CCDC178: variants seen among roughly 807,000 people sequenced by gnomAD.
The protein encoded by CCDC178 is coiled-coil domain containing 178, also known as coiled-coil domain-containing protein 178.
Under a neutral mutation model 117.4 loss-of-function variants are expected in CCDC178, and 126 were observed. The ratio of observed to expected loss-of-function variants is 1.07; its 90% CI spans 0.93 to 1.24. The LOEUF is 1.24. CCDC178 is among the 50% of genes most tolerant of loss of function. CCDC178 has a pLI of 0.00. For synonymous variants in CCDC178, 283 were observed against 313.4 expected (o/e 0.90, Z 1.02); for missense variants, 1,030 against 986.9 (o/e 1.04, Z -0.59).
intron 21 of CCDC178, among the ~76,000 whole-genome samples, chr18:32,985,103 G>A (rs75620498): frequency 4.5e-4 from 68 of 151,786 alleles, no homozygotes; most frequent in Non-Finnish European, 5.9e-4. Flanking sequence ...AACATTATTC[G>A]AAAAAGATTA....
chr18:33,153,080 A>G (rs979358553), intron 20 of CCDC178, among the ~76,000 whole-genome samples: 3 of 149,618 alleles, frequency 2.0e-5, no homozygotes, highest in Non-Finnish European at 4.4e-5. Context: ...AAGCAGAATT[A>G]CATAAGAAAT....
chr18:33,285,269 A>G (rs2060085034), intron 12 of CCDC178, among the ~76,000 whole-genome samples: 1 of 152,182 alleles, frequency 6.6e-6, no homozygotes. Flanking sequence ...AAAAAATTAA[A>G]CATTAACCTC....
chr18:33,244,625 T>C (rs944536449), intron 15 of CCDC178, among the ~76,000 whole-genome samples: 6 of 152,030 alleles, frequency 3.9e-5, no homozygotes, highest in African/African-American at 1.4e-4. Context: ...TCCCCAGCCA[T>C]GCAGAACTGA....
chr18:33,242,677 C>T (rs1226732183), intron 15 of CCDC178, among the ~76,000 whole-genome samples: 2 of 151,396 alleles, frequency 1.3e-5, no homozygotes. Flanking sequence ...TTACTAATTA[C>T]CAGATAAATG....
intron 12 of CCDC178, among the ~76,000 whole-genome samples, chr18:33,290,726 G>A (rs779657115): frequency 5.3e-5 from 8 of 152,066 alleles, no homozygotes; most frequent in Non-Finnish European, 8.8e-5. Flanking sequence ...TTTTCGTGAC[G>A]TAGCCATGGA....
intron 21 of CCDC178, among the ~76,000 whole-genome samples, chr18:33,021,197 T>C (rs2056108846): frequency 1.3e-5 from 2 of 152,242 alleles, no homozygotes; most frequent in South Asian, 4.1e-4. Context: ...AGCAATGATA[T>C]TGGCAGATCA....
intron 22 of CCDC178, among the ~76,000 whole-genome samples, chr18:32,939,944 T>C (rs1216366698): frequency 2.6e-5 from 4 of 152,190 alleles, no homozygotes; most frequent in Non-Finnish European, 5.9e-5. Context: ...AGATGAAGCC[T>C]TGCTTTAATA....
intron 14 of CCDC178, among the ~76,000 whole-genome samples, chr18:33,261,136 T>A (rs1434671029): frequency 6.6e-6 from 1 of 152,036 alleles, no homozygotes; most frequent in Non-Finnish European, 1.5e-5. Flanking sequence ...CAGGCTGGAG[T>A]GCAGTGGCAC....
intron 20 of CCDC178, among the ~76,000 whole-genome samples, chr18:33,151,853 A>G (rs1451106581): frequency 6.6e-6 from 1 of 152,208 alleles, no homozygotes; most frequent in Non-Finnish European, 1.5e-5. Context: ...TAAAGAAAAC[A>G]CTCAGTAAGT....
At chr18:33,086,204 C>T (rs1289487987) in intron 21 of CCDC178, among the ~76,000 whole-genome samples, 1 of 151,872 alleles carries the variant, frequency 6.6e-6, no homozygotes, top group Non-Finnish European at 1.5e-5. Flanking sequence ...AGTCAGCATT[C>T]TGGATACCTG....
intron 21 of CCDC178, among the ~76,000 whole-genome samples, chr18:33,052,056 C>T (rs967000914): frequency 2.6e-5 from 4 of 152,114 alleles, no homozygotes; most frequent in Non-Finnish European, 5.9e-5. Flanking sequence ...TCAGATGAGC[C>T]TTCCACTGTC....
intron 15 of CCDC178, 78 bp downstream of exon 15, chr18:33,245,167 A>G (rs777898550): frequency 2.4e-5 from 30 of 1,259,900 alleles, no homozygotes; most frequent in Non-Finnish European, 3.0e-5. Flanking sequence ...AAATCTAATT[A>G]TCAAGATGAA....
chr18:33,025,791 A>G (rs991528820), intron 21 of CCDC178, among the ~76,000 whole-genome samples: 1 of 152,170 alleles, frequency 6.6e-6, no homozygotes, highest in African/African-American at 2.4e-5. Context: ...TTGATGGTAC[A>G]ATCGCTCTGA....
intron 20 of CCDC178, among the ~76,000 whole-genome samples, chr18:33,141,572 A>G (rs1009519766): frequency 1.3e-5 from 2 of 152,224 alleles, no homozygotes; most frequent in African/African-American, 4.8e-5. Context: ...AGCAAGAAAT[A>G]AACATTTATT....
At chr18:33,111,098 T>C (rs546304136) in intron 20 of CCDC178, among the ~76,000 whole-genome samples, 1 of 151,748 alleles carries the variant, frequency 6.6e-6, no homozygotes, top group African/African-American at 2.4e-5. Context: ...AGAAGACTTG[T>C]ACATCTTTTG....
chr18:33,200,625 A>G (rs571257528), intron 20 of CCDC178, among the ~76,000 whole-genome samples: 1 of 152,052 alleles, frequency 6.6e-6, no homozygotes, highest in African/African-American at 2.4e-5. Flanking sequence ...CTTTCCTCCT[A>G]ATGTTTTCAC....
chr18:33,331,150 T>C (rs936640149), intron 10 of CCDC178, among the ~76,000 whole-genome samples: 1 of 148,636 alleles, frequency 6.7e-6, no homozygotes, highest in Non-Finnish European at 1.5e-5. Context: ...CCAAGTTCAC[T>C]ATCAGTGAAA....
chr18:33,295,163 A>G (rs2062091558), intron 11 of CCDC178, among the ~76,000 whole-genome samples: 1 of 152,202 alleles, frequency 6.6e-6, no homozygotes, highest in South Asian at 2.1e-4. Flanking sequence ...ATAGAGCTAC[A>G]CAAGCATGTC....
intron 22 of CCDC178, among the ~76,000 whole-genome samples, chr18:32,965,719 A>G (rs1165828515): frequency 2.0e-5 from 3 of 151,742 alleles, no homozygotes; most frequent in Admixed American, 6.6e-5. Flanking sequence ...TCAACAGAAT[A>G]TGAAAGTTTA....
Sources: gnomAD v4.1 joint callset for allele counts (sites outside exome capture counted in the v4.1 genomes callset) on GRCh38, gnomAD v4.1.1 for gene constraint, MANE v1.5 for transcripts, NCBI Gene and HGNC (gene_info 2026-07-23, HGNC 2026-07-21) for gene names.